FAM184B: variants seen among roughly 807,000 people sequenced by gnomAD.
The protein encoded by FAM184B is family with sequence similarity 184 member B.
In FAM184B, 111 loss-of-function variants were observed where a neutral mutation model predicts 135.9. The ratio of observed to expected loss-of-function variants is 0.82; its 90% CI spans 0.70 to 0.96. FAM184B has a LOEUF of 0.96. Ranked by LOEUF, FAM184B falls within the 40% of genes least tolerant of loss-of-function variation. FAM184B has a pLI of 0.00. For missense variants in FAM184B, 1,375 were observed against 1,323.9 expected (o/e 1.04, Z -0.60); for synonymous variants, 552 against 524.8 (o/e 1.05, Z -0.71).
chr4:17,701,855 G>A (rs1716992202), intron 5 of FAM184B, among the ~76,000 whole-genome samples: 1 of 152,214 alleles, frequency 6.6e-6, no homozygotes, highest in African/African-American at 2.4e-5. Context: ...TCAGACCTGT[G>A]CTGGCCAGTA....
chr4:17,693,324 T>G lies in FAM184B; in HGVS notation c.1466A>C (p.Lys489Thr). 1.3e-6 allele frequency: 2 copies of G among 1,551,598 alleles called. No individual in the cohort carries two copies. Among genetic ancestry groups the G allele is most frequent in the Non-Finnish European group, 1.7e-6 (2 of 1,146,904 alleles). ...LEEEKAALNV[K>T]LQNSLLEVLR... ...CACCTCAAGCAGAGAATTCTGAAGC[T>G]TCACATTGAGGGCTGCTTTCTCTTC... Residue 489 changes from lysine (K) to threonine (T), a missense_variant, in exon 6 of 18, where the codon AAG becomes ACG. Physicochemically the swap from Lys to Thr is moderately conservative, Grantham distance 78 (BLOSUM62 -1). Transcript: ENST00000265018.
rs112763574 is a variant in FAM184B at position 17,724,111 on chromosome 4, T to TCACACA, written c.142-14473_142-14468dup. Among the ~76,000 whole-genome samples, 859 of 150,312 alleles carry TCACACA rather than the reference T, an allele frequency of 5.7e-3. 4 individuals carry two copies. Among genetic ancestry groups the TCACACA allele is most frequent in the African/African-American group, 0.011 (456 of 40,798 alleles). ...AAGAGGGAGGCAAAAAAACAAAATC[T>TCACACA]CACACACACACACACACACACACTC... On this transcript the variant is annotated intron_variant, in intron 1 of 17. Transcript: ENST00000265018.
chr4:17,768,529 C>A (rs1417887517), intron 1 of FAM184B, among the ~76,000 whole-genome samples: 1 of 152,218 alleles, frequency 6.6e-6, no homozygotes, highest in African/African-American at 2.4e-5. Context: ...CCCGCCTCGG[C>A]CTCCCAAAGT....
intron 5 of FAM184B, among the ~76,000 whole-genome samples, chr4:17,699,993 A>G (rs552954807): frequency 1.7e-4 from 26 of 152,314 alleles, no homozygotes; most frequent in Non-Finnish European, 2.9e-4. Context: ...AGACAGACCA[A>G]TAAATTTAAA....
intron 5 of FAM184B, among the ~76,000 whole-genome samples, chr4:17,700,809 C>A (rs1217619001): frequency 6.6e-6 from 1 of 151,664 alleles, no homozygotes; most frequent in Non-Finnish European, 1.5e-5. Context: ...ACAGGGGAAC[C>A]AAATTAGAAA....
At position 17,653,003 on chromosome 4, in the gene FAM184B, C is replaced by G. The variant is rs1327864585; in HGVS notation, c.2038-20G>C. On this transcript the variant is annotated intron_variant, in intron 10 of 17. Coordinates refer to ENST00000265018, the MANE Select transcript of FAM184B (RefSeq NM_015688.2). ...TGTGGCCTGTGGGAAAAAGTGGGAA[C>G]AAGAAGGCATGAAAGTGGGCATGAG... 6.4e-7 allele frequency: 1 copy of G among 1,551,212 alleles called. No homozygotes were observed. The highest frequency in any genetic ancestry group is 1.2e-5 in the South Asian group (1 of 84,050).
chr4:17,721,906 C>A (rs926939807), intron 1 of FAM184B, among the ~76,000 whole-genome samples: 6 of 152,208 alleles, frequency 3.9e-5, no homozygotes, highest in Admixed American at 2.0e-4. Context: ...GTTTCTCTCA[C>A]AAGATTCGGC....
At chr4:17,721,797 G>A (rs1290440639) in intron 1 of FAM184B, among the ~76,000 whole-genome samples, 1 of 152,132 alleles carries the variant, frequency 6.6e-6, no homozygotes, top group East Asian at 1.9e-4. Flanking sequence ...GGGAGGTCCC[G>A]AGATATGCAT....
At chr4:17,730,662 CTG>C (rs1288660214) in intron 1 of FAM184B, among the ~76,000 whole-genome samples, 2 of 152,078 alleles carry the variant, frequency 1.3e-5, no homozygotes, top group African/African-American at 4.8e-5. Flanking sequence ...AAACTGGAAA[CTG>C]TAAAAAGCAG....
At chr4:17,728,929 C>G (rs527714082) in intron 1 of FAM184B, among the ~76,000 whole-genome samples, 60 of 152,168 alleles carry the variant, frequency 3.9e-4, no homozygotes, top group African/African-American at 1.4e-3. Flanking sequence ...GCACCATGCG[C>G]GAGCTGAAGC....
intron 1 of FAM184B, among the ~76,000 whole-genome samples, chr4:17,741,119 T>C (rs6853376): frequency 0.98 from 148,589 of 152,314 alleles, 72,580 homozygotes; most frequent in Middle Eastern, 1. Context: ...AGGAATACGA[T>C]GTGCTTTAAA....
At chr4:17,735,960 C>G (rs1560189264) in intron 1 of FAM184B, among the ~76,000 whole-genome samples, 1 of 152,170 alleles carries the variant, frequency 6.6e-6, no homozygotes, top group Non-Finnish European at 1.5e-5. Context: ...GGAAGCTCAG[C>G]AAACCAGTTT....
chr4:17,688,631 T>G, intron 6 of FAM184B, 100 bp from the exon 7 acceptor site: 1 of 706,894 alleles, frequency 1.4e-6, no homozygotes. Flanking sequence ...CAGTCTGTTC[T>G]GGGGAGAGTG....
intron 1 of FAM184B, among the ~76,000 whole-genome samples, chr4:17,733,337 G>A (rs577996102): frequency 3.9e-4 from 59 of 152,212 alleles, no homozygotes; most frequent in African/African-American, 1.2e-3. Context: ...TTCTGGCCAC[G>A]GTAATCAGGC....
chr4:17,745,448 C>T (rs1309711090), intron 1 of FAM184B, among the ~76,000 whole-genome samples: 4 of 152,190 alleles, frequency 2.6e-5, no homozygotes, highest in Admixed American at 6.5e-5. Context: ...TTAGGTACCG[C>T]GGCCGGGCTA....
At position 17,630,168 on chromosome 4, in the gene FAM184B, A is replaced by C. The variant is rs1714881070; in HGVS notation, c.*2364T>G. On this transcript the variant is annotated 3_prime_UTR_variant, in exon 18 of 18. Transcript: ENST00000265018. ...ACAGAAATGCAAAGTGCAGCCTGGGAAAGTGTTTCAACACACAAAAATAGA... is the reference window on the plus strand; with the variant it reads ...ACAGAAATGCAAAGTGCAGCCTGGGCAAGTGTTTCAACACACAAAAATAGA... 6.6e-6 allele frequency: 1 copy of C among 152,252 alleles called. No individual in the cohort carries two copies. Among genetic ancestry groups the C allele is most frequent in the Non-Finnish European group, 1.5e-5 (1 of 68,052 alleles). 9.4% of individuals were successfully genotyped at this position (152,252 alleles called of 1,614,324 possible). A position where few individuals can be genotyped will look rare whatever the true frequency, so the allele number is the denominator to read the frequency against.
chr4:17,754,404 A>G (rs1480884562), intron 1 of FAM184B, among the ~76,000 whole-genome samples: 1 of 152,084 alleles, frequency 6.6e-6, no homozygotes, highest in Admixed American at 6.6e-5. Flanking sequence ...ATACAAAATT[A>G]GCCAGGCATG....
chr4:17,712,747 A>C (rs1717308594), intron 1 of FAM184B, among the ~76,000 whole-genome samples: 2 of 139,978 alleles, frequency 1.4e-5, no homozygotes. Context: ...TTTAGAAAAC[A>C]AAAAAAAAGC....
In FAM184B at chr4:17,705,808, G is replaced by T. The variant is rs536804026; in HGVS notation, c.1114C>A (p.Gln372Lys). 18 of 1,551,986 alleles carry T rather than the reference G, an allele frequency of 1.2e-5. No homozygotes were observed. The highest frequency in any genetic ancestry group is 1.6e-5 in the Non-Finnish European group (18 of 1,147,062). The change falls in exon 4 of 18, where the codon CAG becomes AAG. Residue 372 changes from glutamine to lysine, a missense_variant. Gln to Lys is a moderately conservative substitution (Grantham distance 53). Coordinates refer to ENST00000265018, the MANE Select transcript of FAM184B (RefSeq NM_015688.2). ...CACTCCTTGAGACAGCTTTGATCCT[G>T]CTGAGGATGAAGATTGCCGGCTTCC... Reference protein sequence around the residue: ...DLEAGNLHPQQDQSCLKECPC... With the variant: ...DLEAGNLHPQKDQSCLKECPC...
Sources: gnomAD v4.1 joint callset for allele counts (sites outside exome capture counted in the v4.1 genomes callset) on GRCh38, gnomAD v4.1.1 for gene constraint, MANE v1.5 for transcripts, NCBI Gene and HGNC (gene_info 2026-07-23, HGNC 2026-07-21) for gene names.